ZNF707: variants seen among roughly 807,000 people sequenced by gnomAD.
ZNF707 encodes zinc finger protein 707.
A neutral mutation model predicts 13.3 loss-of-function variants in ZNF707; 8 were observed. The observed-to-expected ratio is 0.60, with a 90% CI of 0.35 to 1.09. The LOEUF (loss-of-function observed/expected upper bound fraction) is 1.09. Ranked by LOEUF, ZNF707 falls within the 50% of genes least tolerant of loss-of-function variation. The probability of loss-of-function intolerance (pLI) is 0.02; values close to 1 mark genes in which losing one functional copy is unlikely to be tolerated. For missense variants in ZNF707, 530 were observed against 512.6 expected (o/e 1.03, Z -0.33); for synonymous variants, 225 against 205.6 (o/e 1.09, Z -0.81).
At chr8:143,686,453 C>T (rs782095051) in intron 1 of ZNF707, among the ~76,000 whole-genome samples, 1 of 152,174 alleles carries the variant, frequency 6.6e-6, no homozygotes, top group Non-Finnish European at 1.5e-5. Flanking sequence ...AAACACCACC[C>T]ATGACCCATG....
rs943628360 is a variant in ZNF707 at position 143,694,812 on chromosome 8, C to T, written c.*282C>T. On this transcript the variant is annotated 3_prime_UTR_variant, in exon 6 of 6. Transcript: ENST00000358656. This position sits in a 1 kb window ranked among gnomAD's most constrained non-coding sequence, Gnocchi z 4.4. ...GATGTGCTGAGAGTGTGCGCGACCC[C>T]GGAGCCACGTGCCAGGCCGGGCTCA... 8.2e-6 allele frequency: 3 copies of T among 364,112 alleles called. No individual in the cohort carries two copies. Among genetic ancestry groups the T allele is most frequent in the Non-Finnish European group, 1.5e-5 (3 of 203,986 alleles). The allele number at this position is 364,112 out of a possible 1,614,324, so 22.6% of individuals were successfully genotyped here. A position where few individuals can be genotyped will look rare whatever the true frequency, so the allele number is the denominator to read the frequency against.
At position 143,694,544 on chromosome 8, in the gene ZNF707, G is replaced by C; in HGVS notation, c.*14G>C. On this transcript the variant is annotated 3_prime_UTR_variant, in exon 6 of 6. Transcript: ENST00000358656. This position sits in a 1 kb window ranked among gnomAD's most constrained non-coding sequence, Gnocchi z 4.4. ...GGGGAGGTGTAGGGGCGCCCGAAGAGTGGGGTGCTGCGCCTCTGCGGGAGT... is the reference window on the plus strand; with the variant it reads ...GGGGAGGTGTAGGGGCGCCCGAAGACTGGGGTGCTGCGCCTCTGCGGGAGT... 3 of 1,573,612 alleles carry C rather than the reference G, an allele frequency of 1.9e-6. No homozygotes were observed. The highest frequency in any genetic ancestry group is 2.6e-6 in the Non-Finnish European group (3 of 1,155,428).
rs562090502 is a variant in ZNF707, at chr8:143,691,669, G to A, written c.212G>A (p.Arg71Gln). ...TGGGAGGAGCCGTGGGTTGAAGACCGGGAGAGACCTGAGTTCCAGGCAGTG... is the reference window on the plus strand; with the variant it reads ...TGGGAGGAGCCGTGGGTTGAAGACCAGGAGAGACCTGAGTTCCAGGCAGTG... ...EQWEEPWVED[R>Q]ERPEFQAVQR... is the part of the protein sequence containing the mutation. Residue 71 changes from arginine to glutamine, a missense_variant, in exon 5 of 6, where the codon CGG becomes CAG. Coordinates refer to ENST00000358656, the MANE Select transcript of ZNF707 (RefSeq NM_001100598.2). The A allele has an allele frequency of 6.1e-5, 98 of 1,606,878 alleles. No individual in the cohort carries two copies. In the Middle Eastern group the frequency reaches 2.0e-3, roughly 32 times the overall value.
At chr8:143,690,029 T>G in intron 2 of ZNF707, 28 bp from the exon 3 acceptor site, 1 of 1,594,854 alleles carries the variant, frequency 6.3e-7, no homozygotes, top group East Asian at 2.2e-5. Flanking sequence ...AGGCCGGCTA[T>G]ACCCGCTTAC....
chr8:143,691,888 C>G, intron 5 of ZNF707, 175 bp downstream of exon 5: 4 of 990,848 alleles, frequency 4.0e-6, no homozygotes, highest in Non-Finnish European at 6.0e-6. Context: ...ACGCTCCTGC[C>G]CTGATGGACA....
chr8:143,693,934 C>T lies in ZNF707; in HGVS notation c.520C>T (p.Leu174=). The change falls in exon 6 of 6, where the codon CTG becomes TTG. Residue 174 remains leucine, a synonymous_variant. Transcript: ENST00000358656. The surrounding 1 kb of genome is among the most constrained non-coding windows in gnomAD (Gnocchi z 4.1). The stretch of plus-strand genomic sequence containing the variant: ...GCGCCGGAAGCAGCGCGCAGTAGAG[C>T]TGTCATTCATCTGCGGCACGTGCGG... ...RERRKQRAVE[L]SFICGTCGKA... is the part of the protein sequence containing the mutation. 6.2e-7 allele frequency: 1 copy of T among 1,607,098 alleles called. No homozygotes were observed. Among genetic ancestry groups the T allele is most frequent in the South Asian group, 1.1e-5 (1 of 90,566 alleles).
rs1554614817 is a variant in ZNF707 at position 143,694,499 on chromosome 8, A to G, written c.1085A>G (p.His362Arg). 1 of 1,607,912 alleles carries G rather than the reference A, an allele frequency of 6.2e-7. No homozygotes were observed. The highest frequency in any genetic ancestry group is 8.5e-7 in the Non-Finnish European group (1 of 1,176,110). The change falls in exon 6 of 6, where the codon CAT becomes CGT. Residue 362 changes from histidine (H) to arginine (R), a missense_variant. Coordinates refer to ENST00000358656, the MANE Select transcript of ZNF707 (RefSeq NM_001100598.2). The surrounding 1 kb of genome is among the most constrained non-coding windows in gnomAD (Gnocchi z 4.4). ...CGTCACCTGGGGTTCTTCACGCGGC[A>G]TCAGAGGACTCACAGGCACGGGGAG... ...GFRHLGFFTR[H>R]QRTHRHGEV
rs781806274 is a variant in ZNF707, at chr8:143,693,958, G to C, written c.544G>C (p.Gly182Arg). The change falls in exon 6 of 6, where the codon GGG (glycine) becomes CGG (arginine). Residue 182 changes from glycine to arginine, a missense_variant. Coordinates refer to ENST00000358656, the MANE Select transcript of ZNF707 (RefSeq NM_001100598.2). The surrounding 1 kb of genome is among the most constrained non-coding windows in gnomAD (Gnocchi z 4.1). ...GCTGTCATTCATCTGCGGCACGTGC[G>C]GGAAGGCGCTCAGCTGCCACAGCCG... ...VELSFICGTC[G>R]KALSCHSRLL... The C allele has an allele frequency of 5.6e-6, 9 of 1,600,828 alleles. No individual in the cohort carries two copies. The highest frequency in any genetic ancestry group is 6.8e-6 in the Non-Finnish European group (8 of 1,175,394).
rs1427154292 is a variant in ZNF707, at chr8:143,693,389, G to A, written c.257-282G>A. The stretch of plus-strand genomic sequence containing the variant: ...TGCAAGCTCCGCTTCCCGGGTTCAC[G>A]CCATTCTCCTGCCTCAGCCTCCCGA... On this transcript the variant is annotated intron_variant, in intron 5 of 5. Transcript: ENST00000358656. This position sits in a 1 kb window ranked among gnomAD's most constrained non-coding sequence, Gnocchi z 4.1. Among the ~76,000 whole-genome samples, 6 of 151,504 alleles carry A rather than the reference G, an allele frequency of 4.0e-5. No individual in the cohort carries two copies. Among genetic ancestry groups the A allele is most frequent in the Non-Finnish European group, 8.8e-5 (6 of 67,908 alleles).
chr8:143,690,468 CAGG>C (rs1215986988), intron 3 of ZNF707: 6 of 277,156 alleles, frequency 2.2e-5, no homozygotes, highest in East Asian at 1.4e-4. Context: ...GAGGCTGAGG[CAGG>C]AGAATTGCTT....
intron 5 of ZNF707, among the ~76,000 whole-genome samples, chr8:143,692,891 G>C (rs1457331202): frequency 6.6e-6 from 1 of 151,736 alleles, no homozygotes; most frequent in Non-Finnish European, 1.5e-5. Context: ...ATCCCCGGGT[G>C]TGTGGAGCCC....
Position 143,694,673 on chromosome 8 carries a change from C to A in ZNF707, c.*143C>A. 2 of 980,728 alleles carry A rather than the reference C, an allele frequency of 2.0e-6. No individual in the cohort carries two copies. Among genetic ancestry groups the A allele is most frequent in the Non-Finnish European group, 2.9e-6 (2 of 695,976 alleles). 60.8% of individuals were successfully genotyped at this position (980,728 alleles called of 1,614,324 possible). A position where few individuals can be genotyped will look rare whatever the true frequency, so the allele number is the denominator to read the frequency against. ...TAGTCCTCAGAGCTCCCCAGTCCCC[C>A]GAGAAGTTTACTGGGAAAACTGCCA... On this transcript the variant is annotated 3_prime_UTR_variant, in exon 6 of 6. Transcript: ENST00000358656. This position sits in a 1 kb window ranked among gnomAD's most constrained non-coding sequence, Gnocchi z 4.4.
At chr8:143,687,248 T>C (rs1327180559) in intron 1 of ZNF707, 1 of 152,208 alleles carries the variant, frequency 6.6e-6, no homozygotes, top group Non-Finnish European at 1.5e-5. Flanking sequence ...GTGAAGATGG[T>C]CTCTCTGTGT....
In ZNF707 at chr8:143,691,958, G is replaced by A. The variant is rs782282951; in HGVS notation, c.256+245G>A. 221 of 1,349,272 alleles carry A rather than the reference G, an allele frequency of 1.6e-4. 2 individuals carry two copies. The highest frequency in any genetic ancestry group is 2.2e-4 in the Admixed American group (11 of 49,718). The allele number at this position is 1,349,272 out of a possible 1,614,324, so 83.6% of individuals were successfully genotyped here. On this transcript the variant is annotated intron_variant, in intron 5 of 5. Coordinates refer to ENST00000358656, the MANE Select transcript of ZNF707 (RefSeq NM_001100598.2). Reference sequence around the variant, plus strand: ...GCAGGATGACATACAGCTGCAGCTCGGAGGGGCCTGAGGCTGGAGTGACAC... The same window carrying A: ...GCAGGATGACATACAGCTGCAGCTCAGAGGGGCCTGAGGCTGGAGTGACAC...
chr8:143,691,728 G>C lies in ZNF707; in HGVS notation c.256+15G>C, dbSNP rs1554613690. The C allele has an allele frequency of 7.0e-6, 11 of 1,562,330 alleles. No individual in the cohort carries two copies. The highest frequency in any genetic ancestry group is 7.8e-6 in the Non-Finnish European group (9 of 1,152,274). On this transcript the variant is annotated intron_variant, in intron 5 of 5. Transcript: ENST00000358656. ...ACCCCGGCCAGGTGAGTGCTGGGCT[G>C]TCTGGGCTCGGCGGGCCCCGTCCCT...
intron 5 of ZNF707, chr8:143,692,463 CGGCTGGGG>C (rs1816915350): frequency 2.8e-6 from 1 of 353,330 alleles, no homozygotes; most frequent in African/African-American, 2.5e-5. Flanking sequence ...GTGGAGCCCC[CGGCTGGGG>C]AGGTGTCGGA....
intron 1 of ZNF707, chr8:143,688,537 GA>G: frequency 6.6e-6 from 1 of 151,804 alleles, no homozygotes; most frequent in South Asian, 2.1e-4. Context: ...ACTTGGTCAT[GA>G]CAGAGAATTC....
chr8:143,691,534 C>T, intron 4 of ZNF707, 66 bp from the exon 5 acceptor site: 1 of 1,499,552 alleles, frequency 6.7e-7, no homozygotes, highest in South Asian at 1.3e-5. Context: ...CACAACTGCT[C>T]TGAGCCTCGA....
intron 3 of ZNF707, 58 bp downstream of exon 3, chr8:143,690,181 C>A: frequency 1.3e-6 from 2 of 1,594,982 alleles, no homozygotes; most frequent in Non-Finnish European, 1.7e-6. Flanking sequence ...TGCCTGAGAC[C>A]CCAGCACACA....
Sources: gnomAD v4.1 joint callset for allele counts (sites outside exome capture counted in the v4.1 genomes callset) on GRCh38, gnomAD v4.1.1 for gene constraint, Gnocchi (gnomAD v3.1) non-coding constraint, MANE v1.5 for transcripts, NCBI Gene and HGNC (gene_info 2026-07-23, HGNC 2026-07-21) for gene names.